RBFOX1: variants seen among roughly 807,000 people sequenced by gnomAD.
The protein encoded by RBFOX1 is RNA binding fox-1 homolog 1.
Under a neutral mutation model 57.7 loss-of-function variants are expected in RBFOX1, and 8 were observed. The ratio of observed to expected loss-of-function variants is 0.14; its 90% confidence interval spans 0.08 to 0.25. The LOEUF (loss-of-function observed/expected upper bound fraction) is 0.25, where lower values mean the gene tolerates loss of function less well. Ranked by LOEUF, RBFOX1 falls within the 10% of genes least tolerant of loss-of-function variation. RBFOX1 has a pLI of 1.00. For missense variants in RBFOX1, 611 were observed against 548.5 expected (o/e 1.11, Z -1.14); for synonymous variants, 326 against 222.4 (o/e 1.47, Z -4.15).
At chr16:7,131,315 C>G (rs2151971891) in intron 4 of RBFOX1, among the ~76,000 whole-genome samples, 1 of 140,110 alleles carries the variant, frequency 7.1e-6, no homozygotes, top group East Asian at 2.1e-4. Context: ...CATTGCACTG[C>G]AGCGTGGGCA....
intron 4 of RBFOX1, among the ~76,000 whole-genome samples, chr16:7,152,065 A>G (rs998490246): frequency 6.6e-6 from 1 of 152,184 alleles, no homozygotes; most frequent in African/African-American, 2.4e-5. Context: ...TATATTGTTG[A>G]CAGTCCCTGT....
At chr16:7,320,180 A>G (rs542700413) in intron 4 of RBFOX1, among the ~76,000 whole-genome samples, 16 of 152,230 alleles carry the variant, frequency 1.1e-4, no homozygotes, top group African/African-American at 3.9e-4. Context: ...CCCATCAGCT[A>G]GGTATTAAGC....
intron 2 of RBFOX1, among the ~76,000 whole-genome samples, chr16:6,411,209 C>G (rs1277823258): frequency 6.6e-6 from 1 of 152,112 alleles, no homozygotes; most frequent in African/African-American, 2.4e-5. Context: ...TCTTGAACCC[C>G]TGGGGCAAGC....
intron 4 of RBFOX1, among the ~76,000 whole-genome samples, chr16:5,968,948 A>G (rs1431647991): frequency 6.6e-6 from 1 of 151,918 alleles, no homozygotes; most frequent in Non-Finnish European, 1.5e-5. Flanking sequence ...TGCTGAGAGG[A>G]CTATTTATAT....
chr16:5,940,325 T>G (rs758626066), intron 4 of RBFOX1, among the ~76,000 whole-genome samples: 4 of 152,192 alleles, frequency 2.6e-5, no homozygotes, highest in Non-Finnish European at 5.9e-5. Context: ...TCATTTAGCT[T>G]ATTGAGCATC....
intron 4 of RBFOX1, among the ~76,000 whole-genome samples, chr16:7,119,373 G>A (rs997641417): frequency 1.3e-5 from 2 of 152,182 alleles, no homozygotes; most frequent in Middle Eastern, 3.4e-3. Context: ...CATGATGCCA[G>A]CCTCTAGAGA....
chr16:5,882,114 A>ATGACT (rs937716059), intron 4 of RBFOX1, among the ~76,000 whole-genome samples: 2 of 152,236 alleles, frequency 1.3e-5, no homozygotes, highest in Non-Finnish European at 2.9e-5. Flanking sequence ...ACAAAGTCAC[A>ATGACT]TGACTACACA....
intron 2 of RBFOX1, chr16:6,483,287 G>T (rs927082126): frequency 1.2e-5 from 16 of 1,375,984 alleles, no homozygotes; most frequent in Admixed American, 3.2e-5. Context: ...CTCCTTGCAC[G>T]GGCTGCTCGC....
intron 4 of RBFOX1, among the ~76,000 whole-genome samples, chr16:5,981,226 G>T (rs1438415532): frequency 6.6e-6 from 1 of 152,178 alleles, no homozygotes; most frequent in African/African-American, 2.4e-5. Context: ...AATGTGAAGG[G>T]TCAACAGGAA....
intron 5 of RBFOX1, among the ~76,000 whole-genome samples, chr16:7,549,717 CCTT>C (rs1283243184): frequency 6.6e-6 from 1 of 152,084 alleles, no homozygotes; most frequent in Non-Finnish European, 1.5e-5. Context: ...AGTCTTTCCA[CCTT>C]CTTCTGCCTG....
chr16:6,342,333 G>A (rs1041342739), intron 2 of RBFOX1, among the ~76,000 whole-genome samples: 4 of 152,142 alleles, frequency 2.6e-5, no homozygotes, highest in African/African-American at 9.7e-5. Flanking sequence ...TAAACAGGGA[G>A]AATTGACATG....
At chr16:6,935,996 C>A (rs13333591) in intron 3 of RBFOX1, among the ~76,000 whole-genome samples, 5,431 of 152,226 alleles carry the variant, frequency 0.036, 325 homozygotes, top group African/African-American at 0.12. Context: ...TATCTGGGGG[C>A]TAATGAGCTA....
At chr16:5,831,503 A>ATTG (rs533519785) in intron 3 of RBFOX1, among the ~76,000 whole-genome samples, 1 of 147,266 alleles carries the variant, frequency 6.8e-6, no homozygotes, top group African/African-American at 2.5e-5. Context: ...TATTATTATT[A>ATTG]TTATTTGAGA....
chr16:5,684,731 C>A lies in RBFOX1; in HGVS notation c.318+85770C>A, dbSNP rs573555804. Among the ~76,000 whole-genome samples, 10 of 152,278 alleles carry A rather than the reference C, an allele frequency of 6.6e-5. No homozygotes were observed. The East Asian group carries it at 1.9e-3, about 29-fold the overall frequency. On this transcript the variant is annotated intron_variant, in intron 3 of 19. Coordinates refer to the RBFOX1 transcript ENST00000641259. ...TCAAACGATATTGCAAATACATCAC[C>A]GCCTACTGTAATGAAGTGCATCCAA...
rs750045873 is a variant in RBFOX1 at position 7,282,827 on chromosome 16, T to C, written c.27+230729T>C. On this transcript the variant is annotated intron_variant, in intron 4 of 15. Transcript: ENST00000550418. ...GCTCCCACTTATGAGTGAGAACATA[T>C]GATGTTTGGTTTTCCATTCCTGAGT... 9.2e-5 allele frequency among the ~76,000 whole-genome samples: 14 copies of C among 152,334 alleles called. No homozygotes were observed. The Middle Eastern group carries it at 0.01, about 111-fold the overall frequency.
rs1045040191 is a variant in RBFOX1, at chr16:7,492,475, C to T, written c.28-25672C>T. 3.3e-5 allele frequency among the ~76,000 whole-genome samples: 5 copies of T among 152,170 alleles called. No homozygotes were observed. In the East Asian group the frequency reaches 7.7e-4, roughly 24 times the overall value. Reference sequence around the variant, plus strand: ...CATAATGAGAGCTGCCTGTCACCTACCCTAGAACTGTCCTGTCTCATATGA... The same window carrying T: ...CATAATGAGAGCTGCCTGTCACCTATCCTAGAACTGTCCTGTCTCATATGA... On this transcript the variant is annotated intron_variant, in intron 4 of 15. Transcript: ENST00000550418.
chr16:6,973,033 AG>A (rs1489252338), intron 3 of RBFOX1, among the ~76,000 whole-genome samples: 1 of 152,160 alleles, frequency 6.6e-6, no homozygotes, highest in Non-Finnish European at 1.5e-5. Flanking sequence ...TGGGAGGCTG[AG>A]GAAGTAGAAT....
At chr16:6,234,598 A>C (rs1304504920) in intron 1 of RBFOX1, among the ~76,000 whole-genome samples, 3 of 152,150 alleles carry the variant, frequency 2.0e-5, no homozygotes, top group African/African-American at 7.2e-5. Flanking sequence ...TCTGTGTCTT[A>C]ATGTTCTGGA....
At chr16:5,900,088 C>G (rs566217944) in intron 4 of RBFOX1, among the ~76,000 whole-genome samples, 6 of 152,254 alleles carry the variant, frequency 3.9e-5, no homozygotes, top group South Asian at 4.2e-4. Flanking sequence ...AAAAACCAAA[C>G]AAAACAAAAC....
Sources: allele counts gnomAD v4.1 joint callset (sites outside exome capture counted in the v4.1 genomes callset), GRCh38; gene constraint gnomAD v4.1.1; transcripts MANE v1.5; gene names NCBI Gene and HGNC (gene_info 2026-07-23, HGNC 2026-07-21).